LDB2: variants seen among roughly 807,000 people sequenced by gnomAD.
LDB2 encodes LIM domain-binding protein 2.
In LDB2, 12 loss-of-function variants were observed where a neutral mutation model predicts 44.3. The ratio of observed to expected loss-of-function variants is 0.27; its 90% CI spans 0.17 to 0.44. LDB2 has a LOEUF of 0.44. Ranked by LOEUF, LDB2 falls within the 20% of genes least tolerant of loss-of-function variation. The pLI, the probability that LDB2 is intolerant of heterozygous loss-of-function variation, is 1.00. For synonymous variants in LDB2, 164 were observed against 174.8 expected (o/e 0.94, Z 0.49); for missense variants, 344 against 473.5 (o/e 0.73, Z 2.54).
At position 16,693,817 on chromosome 4, in the gene LDB2, T is replaced by A. The variant is rs140003661; in HGVS notation, c.235+65341A>T. Among the ~76,000 whole-genome samples the A allele has an allele frequency of 1.0e-3, 159 of 152,286 alleles. No homozygotes were observed. In the East Asian group the frequency reaches 0.027, roughly 26 times the overall value. The stretch of plus-strand genomic sequence containing the variant: ...CTTTCTGCTGAGGCACATGTTCCAA[T>A]GCTGACACTAGCCAGAATGGGGAAG... On this transcript the variant is annotated intron_variant, in intron 2 of 7. Transcript: ENST00000304523.
intron 2 of LDB2, among the ~76,000 whole-genome samples, chr4:16,605,315 C>T (rs1464435357): frequency 6.6e-6 from 1 of 152,030 alleles, no homozygotes; most frequent in African/African-American, 2.4e-5. Context: ...AGAGAAATTC[C>T]ACGATCAGAG....
chr4:16,565,631 C>T (rs957130650), intron 5 of LDB2, among the ~76,000 whole-genome samples: 1 of 151,608 alleles, frequency 6.6e-6, no homozygotes, highest in Non-Finnish European at 1.5e-5. Flanking sequence ...TCTGATGGTA[C>T]TAGCCAATAT....
chr4:16,653,574 T>A (rs1738901998), intron 2 of LDB2, among the ~76,000 whole-genome samples: 1 of 152,022 alleles, frequency 6.6e-6, no homozygotes, highest in Non-Finnish European at 1.5e-5. Context: ...CCCACTCTTC[T>A]CCAAAGTGTT....
intron 2 of LDB2, among the ~76,000 whole-genome samples, chr4:16,665,219 C>G (rs1301435287): frequency 6.6e-6 from 1 of 150,472 alleles, no homozygotes; most frequent in Admixed American, 6.6e-5. Flanking sequence ...TCCAAAAGAT[C>G]AAGCTTCATC....
At chr4:16,846,411 T>A (rs1787016514) in intron 1 of LDB2, among the ~76,000 whole-genome samples, 1 of 152,228 alleles carries the variant, frequency 6.6e-6, no homozygotes, top group Non-Finnish European at 1.5e-5. Flanking sequence ...CCCCTGGTGC[T>A]GTTGGTAAGC....
chr4:16,803,259 A>G (rs1463060071), intron 1 of LDB2, among the ~76,000 whole-genome samples: 1 of 152,140 alleles, frequency 6.6e-6, no homozygotes, highest in Non-Finnish European at 1.5e-5. Flanking sequence ...TTAAGCCTAT[A>G]TCAAGTCATT....
At chr4:16,534,405 C>T (rs1421108043) in intron 5 of LDB2, among the ~76,000 whole-genome samples, 4 of 152,158 alleles carry the variant, frequency 2.6e-5, no homozygotes, top group Admixed American at 6.5e-5. Context: ...TTCCATTCCC[C>T]TCCTAAACAC....
At chr4:16,715,662 A>G (rs773171659) in intron 2 of LDB2, among the ~76,000 whole-genome samples, 4 of 152,148 alleles carry the variant, frequency 2.6e-5, no homozygotes, top group Admixed American at 1.3e-4. Context: ...ACATATTGCC[A>G]CATGGATTCC....
At chr4:16,643,211 C>T (rs1232132548) in intron 2 of LDB2, among the ~76,000 whole-genome samples, 1 of 152,072 alleles carries the variant, frequency 6.6e-6, no homozygotes, top group African/African-American at 2.4e-5. Flanking sequence ...GCACTTTTTC[C>T]TAATTCCAAT....
At chr4:16,728,140 C>T (rs963653291) in intron 2 of LDB2, among the ~76,000 whole-genome samples, 5 of 151,986 alleles carry the variant, frequency 3.3e-5, no homozygotes, top group Middle Eastern at 3.2e-3. Context: ...GGAGGTGGCA[C>T]AGGGCAGGGT....
intron 5 of LDB2, among the ~76,000 whole-genome samples, chr4:16,537,500 G>T (rs962063438): frequency 6.6e-6 from 1 of 152,206 alleles, no homozygotes. Context: ...TTACAGAGGA[G>T]ACCTTTGTTT....
intron 1 of LDB2, among the ~76,000 whole-genome samples, chr4:16,805,966 T>G (rs1210495526): frequency 6.6e-6 from 1 of 152,180 alleles, no homozygotes; most frequent in Non-Finnish European, 1.5e-5. Flanking sequence ...CATGAAGCTG[T>G]CAGGATGGTT....
intron 2 of LDB2, among the ~76,000 whole-genome samples, chr4:16,609,403 C>T (rs563918012): frequency 1.1e-4 from 16 of 151,492 alleles, no homozygotes; most frequent in Non-Finnish European, 1.8e-4. Context: ...GCCATTTGAG[C>T]TCCTTGGGGG....
intron 5 of LDB2, among the ~76,000 whole-genome samples, chr4:16,542,815 C>T (rs1214135240): frequency 2.0e-5 from 3 of 151,688 alleles, no homozygotes; most frequent in African/African-American, 7.3e-5. Flanking sequence ...ATACTTCTAG[C>T]GTACAATGTG....
At chr4:16,834,336 A>G (rs189408127) in intron 1 of LDB2, among the ~76,000 whole-genome samples, 2 of 152,352 alleles carry the variant, frequency 1.3e-5, no homozygotes, top group East Asian at 3.9e-4. Flanking sequence ...AACTTTCACA[A>G]TCAGTATTTC....
intron 2 of LDB2, among the ~76,000 whole-genome samples, chr4:16,654,073 G>A (rs575321711): frequency 5.9e-5 from 9 of 152,290 alleles, no homozygotes; most frequent in Admixed American, 2.0e-4. Flanking sequence ...AGACTCAAAC[G>A]TCTATAAACA....
At chr4:16,607,332 C>T (rs900626022) in intron 2 of LDB2, among the ~76,000 whole-genome samples, 22 of 152,206 alleles carry the variant, frequency 1.4e-4, no homozygotes, top group African/African-American at 4.8e-4. Context: ...TTTATCCAAA[C>T]TCATAGGCAT....
chr4:16,736,859 T>C (rs543551735), intron 2 of LDB2, among the ~76,000 whole-genome samples: 4 of 152,330 alleles, frequency 2.6e-5, no homozygotes, highest in African/African-American at 9.6e-5. Context: ...ATAATGTTTT[T>C]AAAACCCGAA....
intron 5 of LDB2, among the ~76,000 whole-genome samples, chr4:16,575,788 A>G (rs1358046943): frequency 6.6e-6 from 1 of 152,256 alleles, no homozygotes; most frequent in East Asian, 1.9e-4. Flanking sequence ...CCTAGGCTGG[A>G]ATGCAGCGGC....
Sources: gnomAD v4.1 joint callset for allele counts (sites outside exome capture counted in the v4.1 genomes callset) on GRCh38, gnomAD v4.1.1 for gene constraint, MANE v1.5 for transcripts, NCBI Gene and HGNC (gene_info 2026-07-23, HGNC 2026-07-21) for gene names.